Variants in TNNI3K observed in about 807,000 individuals in gnomAD.
TNNI3K encodes the protein TNNI3 interacting kinase.
A neutral mutation model predicts 114.5 loss-of-function variants in TNNI3K; 140 were observed. That is an observed-to-expected ratio of 1.22 (90% CI 1.07 to 1.41). The LOEUF is 1.41. Ranked by LOEUF, TNNI3K falls within the 40% of genes most tolerant of loss-of-function variation. TNNI3K has a pLI of 0.00. For synonymous variants in TNNI3K, 347 were observed against 347.5 expected (o/e 1.00, Z 0.02); for missense variants, 1,125 against 1,007.6 (o/e 1.12, Z -1.58).
At chr1:74,300,169 G>C (rs1468059707) in intron 5 of TNNI3K, among the ~76,000 whole-genome samples, 1 of 152,108 alleles carries the variant, frequency 6.6e-6, no homozygotes, top group Non-Finnish European at 1.5e-5. Context: ...TGGACATTTA[G>C]GGACATAGTA....
At chr1:74,418,262 G>A (rs1665226679) in intron 17 of TNNI3K, 1 of 427,344 alleles carries the variant, frequency 2.3e-6, no homozygotes, top group South Asian at 1.7e-5. Flanking sequence ...CAAGAAAGAA[G>A]GCATCTCAGT....
chr1:74,246,021 A>C (rs1166081865), intron 2 of TNNI3K, among the ~76,000 whole-genome samples: 1 of 152,236 alleles, frequency 6.6e-6, no homozygotes, highest in African/African-American at 2.4e-5. Flanking sequence ...TCATGAAGAT[A>C]GTTAAGAATT....
chr1:74,443,868 T>A (rs1004980982), intron 20 of TNNI3K, among the ~76,000 whole-genome samples: 3 of 152,184 alleles, frequency 2.0e-5, no homozygotes, highest in African/African-American at 4.8e-5. Flanking sequence ...TGCAAATCAA[T>A]AAACGTAATT....
chr1:74,480,785 T>C (rs1186827615), intron 21 of TNNI3K: 1 of 717,522 alleles, frequency 1.4e-6, no homozygotes, highest in South Asian at 1.5e-5. Flanking sequence ...GGATATTTGG[T>C]TGTGCTCCAG....
intron 4 of TNNI3K, among the ~76,000 whole-genome samples, chr1:74,266,173 G>A (rs912049953): frequency 4.6e-5 from 7 of 151,986 alleles, no homozygotes; most frequent in African/African-American, 1.7e-4. Context: ...AAATGTGAAT[G>A]AATGGGTTTA....
chr1:74,436,226 C>T (rs1406043866), intron 18 of TNNI3K, 94 bp downstream of exon 18: 2 of 1,495,094 alleles, frequency 1.3e-6, no homozygotes, highest in Non-Finnish European at 1.8e-6. Context: ...ACACTGAACA[C>T]TGACAGCTAT....
At position 74,385,547 on chromosome 1, in the gene TNNI3K, A is replaced by G. The variant is rs906266721; in HGVS notation, c.1772+15155A>G. Among the ~76,000 whole-genome samples, 6 of 152,340 alleles carry G rather than the reference A, an allele frequency of 3.9e-5. 1 individual carries two copies. The highest frequency in any genetic ancestry group is 1.4e-4 in the African/African-American group (6 of 41,594). ...TAAAAGGGAGAAATAATCATCTGCCAAATAATTTCATCAAGGATATCAAAA... is the reference window on the plus strand; with the variant it reads ...TAAAAGGGAGAAATAATCATCTGCCGAATAATTTCATCAAGGATATCAAAA... On this transcript the variant is annotated intron_variant, in intron 17 of 24. Transcript: ENST00000326637.
intron 17 of TNNI3K, among the ~76,000 whole-genome samples, chr1:74,426,965 A>G (rs1018865400): frequency 6.6e-6 from 1 of 152,120 alleles, no homozygotes; most frequent in Non-Finnish European, 1.5e-5. Flanking sequence ...ATGATTCATT[A>G]GGTGGCCTTG....
rs1458918626 is a variant in TNNI3K, at chr1:74,353,375, A to G, written c.1027+15A>G. On this transcript the variant is annotated intron_variant, in intron 10 of 24. Coordinates refer to ENST00000326637, the MANE Select transcript of TNNI3K (RefSeq NM_015978.3). ...TGGGCACACTGGTAAGACTGTGGTG[A>G]AAACACCACTAGTTCTATATGCTTA... 2 of 1,612,000 alleles carry G rather than the reference A, an allele frequency of 1.2e-6. No homozygotes were observed. The highest frequency in any genetic ancestry group is 1.7e-5 in the Admixed American group (1 of 59,816).
At chr1:74,252,123 G>C (rs1023783102) in intron 4 of TNNI3K, among the ~76,000 whole-genome samples, 1 of 152,144 alleles carries the variant, frequency 6.6e-6, no homozygotes, top group Non-Finnish European at 1.5e-5. Flanking sequence ...GATTTTTTCT[G>C]TATTAGTTCA....
chr1:74,249,549 G>C lies in TNNI3K; in HGVS notation c.235+5G>C, dbSNP rs750425525. 1 of 1,612,826 alleles carries C rather than the reference G, an allele frequency of 6.2e-7. No homozygotes were observed. The highest frequency in any genetic ancestry group is 8.5e-7 in the Non-Finnish European group (1 of 1,179,510). On this transcript the variant is annotated splice_donor_5th_base_variant and intron_variant, in intron 3 of 24. Coordinates refer to ENST00000326637, the MANE Select transcript of TNNI3K (RefSeq NM_015978.3). ...ATTTATGTTGCATTTGTGGAGGTGA[G>C]TACTTGAAACTTAGTACTTCTTAAA...
At chr1:74,308,291 A>C (rs974103605) in intron 5 of TNNI3K, among the ~76,000 whole-genome samples, 1 of 152,226 alleles carries the variant, frequency 6.6e-6, no homozygotes, top group East Asian at 1.9e-4. Context: ...AATTTCAAAA[A>C]ACTGAAACTA....
intron 23 of TNNI3K, 101 bp downstream of exon 23, chr1:74,492,367 C>G (rs1404243178): frequency 7.6e-7 from 1 of 1,310,882 alleles, no homozygotes; most frequent in Non-Finnish European, 9.8e-7. Flanking sequence ...TTGATTACCC[C>G]CTGAAAAACT....
In TNNI3K at chr1:74,283,132, C is replaced by A. The variant is rs1471909404; in HGVS notation, c.444+11424C>A. ...AAACAGTTAAGTTTCTAAAAGTAAA[C>A]CTTTCTTTTACACATAGTCTTAAAT... On this transcript the variant is annotated intron_variant, in intron 5 of 24. Coordinates refer to ENST00000326637, the MANE Select transcript of TNNI3K (RefSeq NM_015978.3). 3.3e-5 allele frequency among the ~76,000 whole-genome samples: 5 copies of A among 152,112 alleles called. No homozygotes were observed. The East Asian group carries it at 9.6e-4, about 29-fold the overall frequency.
intron 21 of TNNI3K, among the ~76,000 whole-genome samples, chr1:74,483,661 G>T (rs1168384514): frequency 6.6e-6 from 1 of 152,176 alleles, no homozygotes; most frequent in East Asian, 1.9e-4. Flanking sequence ...AGTTTGTAGT[G>T]CTTTCACCAA....
At chr1:74,479,608 T>C (rs80016177) in intron 21 of TNNI3K, among the ~76,000 whole-genome samples, 2,881 of 152,284 alleles carry the variant, frequency 0.019, 89 homozygotes, top group African/African-American at 0.065. Flanking sequence ...TTAACTACTA[T>C]GCCATACAAA....
At position 74,412,201 on chromosome 1, in the gene TNNI3K, T is replaced by A. The variant is rs1345262703; in HGVS notation, c.1773-23879T>A. On this transcript the variant is annotated intron_variant, in intron 17 of 24. Coordinates refer to ENST00000326637, the MANE Select transcript of TNNI3K (RefSeq NM_015978.3). ...CATCTAATTAAATCTCTGATTTGCA[T>A]CCAGAGTAACTTTTCCAGACTATGT... Among the ~76,000 whole-genome samples the A allele has an allele frequency of 1.3e-5, 2 of 152,102 alleles. 1 individual carries two copies. The highest frequency in any genetic ancestry group is 3.9e-4 in the East Asian group (2 of 5,164).
intron 24 of TNNI3K, 147 bp from the exon 25 acceptor site, chr1:74,543,759 G>A (rs1646754098): frequency 5.0e-6 from 4 of 801,576 alleles, no homozygotes; most frequent in Non-Finnish European, 8.2e-6. Context: ...AATGTTGCTT[G>A]TGCTTTGCAA....
intron 21 of TNNI3K, among the ~76,000 whole-genome samples, chr1:74,463,889 T>C (rs555064880): frequency 2.6e-5 from 4 of 152,222 alleles, no homozygotes; most frequent in South Asian, 2.1e-4. Context: ...TGGCACAAGA[T>C]GGATTTGTGT....
Sources: allele counts gnomAD v4.1 joint callset (sites outside exome capture counted in the v4.1 genomes callset), GRCh38; gene constraint gnomAD v4.1.1; transcripts MANE v1.5; gene names NCBI Gene and HGNC (gene_info 2026-07-23, HGNC 2026-07-21).